TSPAN14: variants seen among roughly 807,000 people sequenced by gnomAD.
TSPAN14 encodes tetraspanin 14, also known as tetraspanin-14.
TSPAN14 carries 16 observed loss-of-function variants against 36.6 expected under a neutral mutation model. The observed-to-expected ratio is 0.44, with a 90% confidence interval of 0.30 to 0.66. The LOEUF (loss-of-function observed/expected upper bound fraction) is 0.66, where lower values mean the gene tolerates loss of function less well. TSPAN14 is among the 30% of genes least tolerant of loss of function. TSPAN14 has a pLI of 0.12. For missense variants in TSPAN14, 231 were observed against 355.1 expected (o/e 0.65, Z 2.81); for synonymous variants, 139 against 143.8 (o/e 0.97, Z 0.24).
intron 2 of TSPAN14, among the ~76,000 whole-genome samples, chr10:80,500,823 C>T (rs1230325548): frequency 2.0e-5 from 3 of 152,166 alleles, no homozygotes; most frequent in East Asian, 1.9e-4. Context: ...GGCCCTACAG[C>T]GGCCCTGCAT....
intron 1 of TSPAN14, among the ~76,000 whole-genome samples, chr10:80,478,312 G>A (rs1221158983): frequency 6.6e-6 from 1 of 152,036 alleles, no homozygotes; most frequent in Non-Finnish European, 1.5e-5. Context: ...AGAAAATAGA[G>A]CAAACAGATG....
At chr10:80,462,338 G>T (rs1391214937) in intron 1 of TSPAN14, among the ~76,000 whole-genome samples, 1 of 149,896 alleles carries the variant, frequency 6.7e-6, no homozygotes, top group African/African-American at 2.5e-5. Context: ...TGGTGGCCTA[G>T]GGCGTAGGAA....
intron 2 of TSPAN14, among the ~76,000 whole-genome samples, chr10:80,498,237 C>G (rs1848303321): frequency 6.6e-6 from 1 of 152,198 alleles, no homozygotes; most frequent in Non-Finnish European, 1.5e-5. Context: ...ATTTCTTATT[C>G]TGGAGAGTAC....
chr10:80,482,893 G>A (rs917184624), intron 1 of TSPAN14, among the ~76,000 whole-genome samples: 26 of 151,446 alleles, frequency 1.7e-4, no homozygotes, highest in Non-Finnish European at 3.7e-4. Context: ...GAGCCACCAC[G>A]CCTGGCTAAT....
intron 3 of TSPAN14, 53 bp downstream of exon 3, chr10:80,504,831 G>T: frequency 6.3e-7 from 1 of 1,595,628 alleles, no homozygotes; most frequent in Non-Finnish European, 8.6e-7. Context: ...AACCAGATTC[G>T]TTGGACTTCA....
At position 80,520,402 on chromosome 10, in the gene TSPAN14, G is replaced by A. The variant is rs1367585430; in HGVS notation, c.*2426G>A. 9.8e-6 allele frequency: 4 copies of A among 407,510 alleles called. No individual in the cohort carries two copies. In the East Asian group the frequency reaches 2.4e-4, roughly 24 times the overall value. 25.2% of individuals were successfully genotyped at this position (407,510 alleles called of 1,614,324 possible). On this transcript the variant is annotated 3_prime_UTR_variant, in exon 9 of 9. Coordinates refer to ENST00000429989, the Ensembl canonical transcript of TSPAN14. ...CCGGTCACGTGGCAGTCTCCGCCCAGCATCGGCTGTCCGCACAGAGGCACA... is the reference window on the plus strand; with the variant it reads ...CCGGTCACGTGGCAGTCTCCGCCCAACATCGGCTGTCCGCACAGAGGCACA...
intron 1 of TSPAN14, among the ~76,000 whole-genome samples, chr10:80,454,977 C>T (rs1845671286): frequency 6.6e-6 from 1 of 152,200 alleles, no homozygotes; most frequent in Non-Finnish European, 1.5e-5. Flanking sequence ...TTTGAGTAGG[C>T]GGTGACCCAG....
At chr10:80,470,056 A>G (rs948405576) in intron 1 of TSPAN14, among the ~76,000 whole-genome samples, 1 of 152,168 alleles carries the variant, frequency 6.6e-6, no homozygotes, top group Non-Finnish European at 1.5e-5. Context: ...TGTAAATGCT[A>G]TGTAAGTATT....
At chr10:80,472,193 C>T (rs541009607) in intron 1 of TSPAN14, among the ~76,000 whole-genome samples, 1 of 151,498 alleles carries the variant, frequency 6.6e-6, no homozygotes, top group Admixed American at 6.6e-5. Context: ...GTTTTGTTTG[C>T]TTTTTTTTTG....
chr10:80,511,605 TGAGCC>T (rs1393717573), intron 5 of TSPAN14, among the ~76,000 whole-genome samples: 1 of 152,066 alleles, frequency 6.6e-6, no homozygotes, highest in Non-Finnish European at 1.5e-5. Context: ...AGGGCTCCAC[TGAGCC>T]AGCCATGTGG....
intron 1 of TSPAN14, among the ~76,000 whole-genome samples, chr10:80,465,724 C>A (rs183481730): frequency 3.3e-5 from 5 of 152,328 alleles, no homozygotes; most frequent in African/African-American, 4.8e-5. Flanking sequence ...AAGCCACTCT[C>A]AGGCACAAAG....
chr10:80,484,936 C>T (rs186556965), intron 1 of TSPAN14, among the ~76,000 whole-genome samples: 10 of 152,294 alleles, frequency 6.6e-5, no homozygotes, highest in Middle Eastern at 3.4e-3. Context: ...CCTCAAGTTG[C>T]TAACCAGTTA....
At chr10:80,471,264 C>T (rs1846536754) in intron 1 of TSPAN14, among the ~76,000 whole-genome samples, 1 of 152,162 alleles carries the variant, frequency 6.6e-6, no homozygotes, top group African/African-American at 2.4e-5. Context: ...TTGTCTCCCA[C>T]AGCAAAAGTC....
chr10:80,522,492 CAG>C (rs1221500630), exon 9 of TSPAN14: 1 of 152,052 alleles, frequency 6.6e-6, no homozygotes, highest in Non-Finnish European at 1.5e-5. Context: ...GCCTGGGTGA[CAG>C]GAGACTCCAT....
chr10:80,481,687 G>A (rs187612159), intron 1 of TSPAN14, among the ~76,000 whole-genome samples: 21 of 152,312 alleles, frequency 1.4e-4, no homozygotes, highest in Admixed American at 4.6e-4. Context: ...ACAAAATGGC[G>A]CGATCTCGGC....
chr10:80,456,184 A>G (rs773111652), intron 1 of TSPAN14, among the ~76,000 whole-genome samples: 4 of 152,172 alleles, frequency 2.6e-5, no homozygotes, highest in Non-Finnish European at 4.4e-5. Flanking sequence ...TGGACATGGC[A>G]TAGGTGCTCA....
At chr10:80,484,549 C>T (rs1442880460) in intron 1 of TSPAN14, among the ~76,000 whole-genome samples, 1 of 152,140 alleles carries the variant, frequency 6.6e-6, no homozygotes, top group Non-Finnish European at 1.5e-5. Flanking sequence ...CCATTTGTTA[C>T]GTTATTCTTC....
At chr10:80,458,422 G>T (rs950508803) in intron 1 of TSPAN14, among the ~76,000 whole-genome samples, 3 of 152,198 alleles carry the variant, frequency 2.0e-5, no homozygotes, top group Admixed American at 1.3e-4. Flanking sequence ...TTGGTCTCTG[G>T]TGATTTCCCT....
chr10:80,465,907 G>C (rs762411393), intron 1 of TSPAN14, among the ~76,000 whole-genome samples: 2 of 152,128 alleles, frequency 1.3e-5, no homozygotes, highest in Non-Finnish European at 2.9e-5. Context: ...TTTTTGGTGG[G>C]CAAAATGAGC....
Sources: gnomAD v4.1 joint callset for allele counts (sites outside exome capture counted in the v4.1 genomes callset) on GRCh38, gnomAD v4.1.1 for gene constraint, MANE v1.5 for transcripts, NCBI Gene and HGNC (gene_info 2026-07-23, HGNC 2026-07-21) for gene names.